The following PCDH9 variants were observed in gnomAD, a reference collection of about 807,000 sequenced individuals.
PCDH9 encodes the protein protocadherin-9.
A neutral mutation model predicts 70.6 loss-of-function variants in PCDH9; 24 were observed. The observed-to-expected ratio is 0.34, with a 90% CI of 0.25 to 0.48. The LOEUF is 0.48. PCDH9 is among the 20% of genes least tolerant of loss of function. PCDH9 has a pLI of 0.99. For missense variants in PCDH9, 1,281 were observed against 1,503.6 expected, an observed-to-expected ratio of 0.85 and a Z score of 2.45; for synonymous variants, 562 against 558.5, an observed-to-expected ratio of 1.01 and a Z score of -0.09.
At chr13:67,099,186 T>C (rs2086382319) in intron 2 of PCDH9, among the ~76,000 whole-genome samples, 1 of 152,250 alleles carries the variant, frequency 6.6e-6, no homozygotes, top group Admixed American at 6.5e-5. Flanking sequence ...ACTTTCTGAA[T>C]GTTATCTTGA....
intron 2 of PCDH9, among the ~76,000 whole-genome samples, chr13:66,920,074 A>T (rs1687673231): frequency 6.6e-6 from 1 of 151,026 alleles, no homozygotes; most frequent in Non-Finnish European, 1.5e-5. Flanking sequence ...TTCCAAGAAT[A>T]AGCACTGGCA....
At chr13:66,663,063 A>G (rs558520283) in intron 3 of PCDH9, among the ~76,000 whole-genome samples, 14 of 152,322 alleles carry the variant, frequency 9.2e-5, no homozygotes, top group African/African-American at 3.4e-4. Context: ...AACAGTCTCT[A>G]TAGGAGAATC....
intron 4 of PCDH9, among the ~76,000 whole-genome samples, chr13:66,421,560 C>G (rs1359074641): frequency 1.3e-5 from 2 of 152,134 alleles, no homozygotes; most frequent in Admixed American, 1.3e-4. Context: ...CCCAGCCAAA[C>G]TAAGATTCAT....
chr13:66,518,963 G>T (rs921760838), intron 4 of PCDH9, among the ~76,000 whole-genome samples: 1 of 152,136 alleles, frequency 6.6e-6, no homozygotes, highest in Non-Finnish European at 1.5e-5. Context: ...TTTAAATAAA[G>T]AAAATCTAGT....
At chr13:66,594,946 A>G (rs1417653756) in intron 4 of PCDH9, among the ~76,000 whole-genome samples, 4 of 151,376 alleles carry the variant, frequency 2.6e-5, no homozygotes, top group African/African-American at 9.7e-5. Flanking sequence ...GTTGAAAGTA[A>G]CGGAAGAGCT....
intron 2 of PCDH9, among the ~76,000 whole-genome samples, chr13:66,981,516 C>A (rs560472689): frequency 1.3e-5 from 2 of 150,926 alleles, no homozygotes; most frequent in Non-Finnish European, 3.0e-5. Context: ...ATTTAGTTTT[C>A]CTTCATTATT....
intron 2 of PCDH9, among the ~76,000 whole-genome samples, chr13:67,036,652 A>C (rs1009842516): frequency 7.9e-5 from 12 of 152,194 alleles, no homozygotes; most frequent in African/African-American, 2.7e-4. Flanking sequence ...TGCTCTAAAC[A>C]TGTTGGTTTT....
intron 3 of PCDH9, among the ~76,000 whole-genome samples, chr13:66,894,900 T>C (rs915941407): frequency 6.6e-6 from 1 of 152,038 alleles, no homozygotes; most frequent in Non-Finnish European, 1.5e-5. Context: ...CTCCGACTCC[T>C]GGGTTCAAGT....
chr13:66,930,827 A>T (rs1172905189), intron 2 of PCDH9, among the ~76,000 whole-genome samples: 2 of 152,226 alleles, frequency 1.3e-5, no homozygotes, highest in Non-Finnish European at 2.9e-5. Flanking sequence ...AAAAAAATTA[A>T]AATGAGAAGG....
chr13:66,409,543 C>T (rs952809958), intron 4 of PCDH9, among the ~76,000 whole-genome samples: 3 of 146,930 alleles, frequency 2.0e-5, no homozygotes, highest in Non-Finnish European at 4.5e-5. Flanking sequence ...TACAAATTCT[C>T]CGACTTAATA....
chr13:66,417,826 A>C (rs967272472), intron 4 of PCDH9, among the ~76,000 whole-genome samples: 1 of 152,114 alleles, frequency 6.6e-6, no homozygotes, highest in Non-Finnish European at 1.5e-5. Context: ...GTCTGTTCAT[A>C]TCCTTCGCCT....
Position 66,808,583 on chromosome 13 carries a change from T to G in PCDH9, c.3138+94921A>C, listed in dbSNP as rs1445988619. On this transcript the variant is annotated intron_variant, in intron 3 of 4. Coordinates refer to ENST00000377865, the MANE Select transcript of PCDH9 (RefSeq NM_203487.3). ...GGACGTGTAAACCAGTTCTTCATAG[T>G]TGCCTGGTAAGTCCTTCAAATCCCA... 1.3e-5 allele frequency among the ~76,000 whole-genome samples: 2 copies of G among 152,198 alleles called. 1 individual carries two copies. The highest frequency in any genetic ancestry group is 1.3e-4 in the Admixed American group (2 of 15,286).
chr13:67,127,523 G>A (rs892596715), intron 2 of PCDH9, among the ~76,000 whole-genome samples: 1 of 152,026 alleles, frequency 6.6e-6, no homozygotes, highest in Non-Finnish European at 1.5e-5. Flanking sequence ...GTGCTAGTGT[G>A]TGTGTGCATG....
At chr13:66,638,207 G>A (rs2077664529) in intron 3 of PCDH9, among the ~76,000 whole-genome samples, 1 of 152,136 alleles carries the variant, frequency 6.6e-6, no homozygotes, top group African/African-American at 2.4e-5. Flanking sequence ...CTAAAAAGTA[G>A]AATTTCATTA....
At chr13:66,658,843 C>A (rs943976781) in intron 3 of PCDH9, among the ~76,000 whole-genome samples, 2 of 152,068 alleles carry the variant, frequency 1.3e-5, no homozygotes, top group African/African-American at 2.4e-5. Context: ...ATTTTTAAAG[C>A]ATTTATTGTT....
At chr13:67,120,286 C>A (rs2138297605) in intron 2 of PCDH9, among the ~76,000 whole-genome samples, 1 of 151,816 alleles carries the variant, frequency 6.6e-6, no homozygotes, top group Middle Eastern at 3.4e-3. Flanking sequence ...CATTATTGTT[C>A]TTCTCTGGGT....
At chr13:66,553,512 A>G (rs917392228) in intron 4 of PCDH9, among the ~76,000 whole-genome samples, 1 of 152,176 alleles carries the variant, frequency 6.6e-6, no homozygotes, top group African/African-American at 2.4e-5. Context: ...TATGGCACAA[A>G]TGCCCAAAAA....
chr13:66,773,834 A>G (rs1162057395), intron 3 of PCDH9, among the ~76,000 whole-genome samples: 1 of 149,766 alleles, frequency 6.7e-6, no homozygotes, highest in African/African-American at 2.5e-5. Context: ...GCTGGAGTGC[A>G]GTGGGTGATC....
At chr13:66,839,202 C>A (rs2081074604) in intron 3 of PCDH9, among the ~76,000 whole-genome samples, 1 of 151,858 alleles carries the variant, frequency 6.6e-6, no homozygotes, top group Non-Finnish European at 1.5e-5. Context: ...GTGCAACAAT[C>A]ACTTTGTATT....
Sources: allele counts gnomAD v4.1 joint callset (sites outside exome capture counted in the v4.1 genomes callset), GRCh38; gene constraint gnomAD v4.1.1; transcripts MANE v1.5; gene names NCBI Gene and HGNC (gene_info 2026-07-23, HGNC 2026-07-21).